The following CDH12 variants were observed in gnomAD, a reference collection of about 807,000 sequenced individuals.
CDH12 encodes the protein cadherin 12, also known as cadherin-12.
CDH12 carries 41 observed loss-of-function variants against 74.1 expected under a neutral mutation model. The ratio of observed to expected loss-of-function variants is 0.55; its 90% CI spans 0.43 to 0.72. The LOEUF is 0.72. CDH12 is among the 30% of genes least tolerant of loss of function. CDH12 has a pLI of 0.00. For synonymous variants in CDH12, 399 were observed against 355.0 expected, an observed-to-expected ratio of 1.12 and a Z score of -1.39; for missense variants, 945 against 977.2, an observed-to-expected ratio of 0.97 and a Z score of 0.44.
At chr5:22,037,216 T>C (rs1739253252) in intron 5 of CDH12, among the ~76,000 whole-genome samples, 1 of 152,180 alleles carries the variant, frequency 6.6e-6, no homozygotes, top group Non-Finnish European at 1.5e-5. Context: ...CTTATGAATA[T>C]TACCCTACAT....
intron 4 of CDH12, among the ~76,000 whole-genome samples, chr5:22,193,704 A>G (rs937627789): frequency 2.0e-5 from 3 of 151,346 alleles, no homozygotes; most frequent in Non-Finnish European, 4.4e-5. Flanking sequence ...GGGGAGATCC[A>G]TGTTTGCACA....
At position 22,581,964 on chromosome 5, in the gene CDH12, A is replaced by G. The variant is rs1429591480; in HGVS notation, c.-522-76600T>C. On this transcript the variant is annotated intron_variant, in intron 1 of 14. Transcript: ENST00000382254. ...TCCTGAACTCGCCTATCTTTTCATCATAATCTTTCTGAGAACATTGTAACT... is the reference window on the plus strand; with the variant it reads ...TCCTGAACTCGCCTATCTTTTCATCGTAATCTTTCTGAGAACATTGTAACT... Among the ~76,000 whole-genome samples the G allele has an allele frequency of 2.6e-5, 4 of 152,184 alleles. No homozygotes were observed. The East Asian group carries it at 5.8e-4, about 22-fold the overall frequency.
intron 14 of CDH12, 148 bp from the exon 15 acceptor site, chr5:21,752,384 T>A (rs1353993750): frequency 1.6e-6 from 1 of 639,062 alleles, no homozygotes; most frequent in Non-Finnish European, 2.6e-6. Flanking sequence ...ATCAATAGGA[T>A]CATACATATG....
At chr5:22,211,585 GA>G (rs1255456954) in intron 4 of CDH12, among the ~76,000 whole-genome samples, 7 of 151,724 alleles carry the variant, frequency 4.6e-5, no homozygotes, top group Non-Finnish European at 7.4e-5. Flanking sequence ...TTAAACTTTG[GA>G]AAAAAGTTGC....
Position 22,101,903 on chromosome 5 carries a change from A to G in CDH12, c.-186-23041T>C, listed in dbSNP as rs568516793. ...CTTAAGGTCTCTGTCGCAACTATTC[A>G]ACTCTGCCATTGTAGCTCACAAGAA... On this transcript the variant is annotated intron_variant, in intron 4 of 14. Transcript: ENST00000382254. Among the ~76,000 whole-genome samples the G allele has an allele frequency of 2.0e-5, 3 of 152,250 alleles. No individual in the cohort carries two copies. In the East Asian group the frequency reaches 5.8e-4, roughly 29 times the overall value.
At chr5:21,907,579 C>T (rs1753696025) in intron 6 of CDH12, among the ~76,000 whole-genome samples, 1 of 152,154 alleles carries the variant, frequency 6.6e-6, no homozygotes, top group Non-Finnish European at 1.5e-5. Flanking sequence ...TATGATTAGT[C>T]TGTGTCTGGG....
intron 2 of CDH12, among the ~76,000 whole-genome samples, chr5:22,449,966 A>T (rs1440208899): frequency 6.6e-6 from 1 of 151,968 alleles, no homozygotes; most frequent in African/African-American, 2.4e-5. Context: ...TATTTTTTAA[A>T]TGTCTACAAA....
chr5:22,152,753 A>T lies in CDH12; in HGVS notation c.-187+59745T>A, dbSNP rs550158985. Among the ~76,000 whole-genome samples, 3 of 152,250 alleles carry T rather than the reference A, an allele frequency of 2.0e-5. No individual in the cohort carries two copies. In the South Asian group the frequency reaches 6.2e-4, roughly 32 times the overall value. ...TATAATTGAAATTTTGTATCCTTGG[A>T]CCAATGTCTCCTCACCCTACTCACT... On this transcript the variant is annotated intron_variant, in intron 4 of 14. Transcript: ENST00000382254.
intron 3 of CDH12, among the ~76,000 whole-genome samples, chr5:22,310,702 G>A (rs1738352500): frequency 6.6e-6 from 1 of 152,158 alleles, no homozygotes; most frequent in Non-Finnish European, 1.5e-5. Context: ...AGCTTAGAGA[G>A]CACATGGTAT....
chr5:22,662,277 T>C (rs1384871001), intron 1 of CDH12, among the ~76,000 whole-genome samples: 1 of 152,084 alleles, frequency 6.6e-6, no homozygotes, highest in Non-Finnish European at 1.5e-5. Flanking sequence ...TCAGGGAAAA[T>C]CAGACCCCAA....
chr5:21,832,296 GT>G (rs1749066671), intron 8 of CDH12, among the ~76,000 whole-genome samples: 2 of 151,976 alleles, frequency 1.3e-5, no homozygotes, highest in Non-Finnish European at 2.9e-5. Context: ...TCATGCTCTC[GT>G]TAGCAAATGA....
intron 1 of CDH12, among the ~76,000 whole-genome samples, chr5:22,659,234 T>TA (rs148970203): frequency 2.0e-4 from 31 of 151,890 alleles, no homozygotes; most frequent in African/African-American, 6.0e-4. Context: ...ACATGGAAAA[T>TA]AAAAAAAACA....
chr5:22,411,378 T>C (rs1743162867), intron 2 of CDH12, among the ~76,000 whole-genome samples: 1 of 151,962 alleles, frequency 6.6e-6, no homozygotes, highest in Non-Finnish European at 1.5e-5. Flanking sequence ...TGAAGTCATT[T>C]ACTTAAATAG....
chr5:21,848,917 C>T lies in CDH12; in HGVS notation c.646+5754G>A, dbSNP rs1016196108. ...AGATAGGGATCTACTTGATGATCTACTTGATTCATCTTAGTCTCCCAATAG... is the reference window on the plus strand; with the variant it reads ...AGATAGGGATCTACTTGATGATCTATTTGATTCATCTTAGTCTCCCAATAG... On this transcript the variant is annotated intron_variant, in intron 7 of 14. Transcript: ENST00000382254. 1.1e-4 allele frequency among the ~76,000 whole-genome samples: 16 copies of T among 151,792 alleles called. No individual in the cohort carries two copies. In the Admixed American group the frequency reaches 1.1e-3, roughly 10 times the overall value.
intron 4 of CDH12, among the ~76,000 whole-genome samples, chr5:22,173,090 C>T (rs1411013903): frequency 3.3e-5 from 5 of 151,300 alleles, no homozygotes; most frequent in African/African-American, 4.8e-5. Context: ...TCCATTTCTA[C>T]GTTCTGTCCT....
At chr5:21,889,613 C>T (rs1752804266) in intron 6 of CDH12, 7 of 985,208 alleles carry the variant, frequency 7.1e-6, no homozygotes, top group Admixed American at 6.2e-5. Context: ...AGTCTGTGTT[C>T]GCATGTGTGT....
At chr5:22,512,763 A>G (rs1365107332) in intron 1 of CDH12, among the ~76,000 whole-genome samples, 3 of 152,204 alleles carry the variant, frequency 2.0e-5, no homozygotes, top group Non-Finnish European at 2.9e-5. Context: ...AGATGTTACT[A>G]ACATCAAAAA....
At chr5:22,032,204 A>T (rs573918985) in intron 5 of CDH12, among the ~76,000 whole-genome samples, 2 of 152,114 alleles carry the variant, frequency 1.3e-5, no homozygotes, top group Non-Finnish European at 2.9e-5. Context: ...TATAATGTGC[A>T]TATCTAGTTA....
chr5:21,850,373 T>C (rs1232155376), intron 7 of CDH12, among the ~76,000 whole-genome samples: 3 of 151,460 alleles, frequency 2.0e-5, no homozygotes, highest in East Asian at 3.9e-4. Flanking sequence ...TGTTAATTTG[T>C]TCTACTATAG....
Sources: allele counts gnomAD v4.1 joint callset (sites outside exome capture counted in the v4.1 genomes callset), GRCh38; gene constraint gnomAD v4.1.1; transcripts MANE v1.5; gene names NCBI Gene and HGNC (gene_info 2026-07-23, HGNC 2026-07-21).